UBR3: variants seen among roughly 807,000 people sequenced by gnomAD.
The protein encoded by UBR3 is E3 ubiquitin-protein ligase UBR3.
UBR3 carries 85 observed loss-of-function variants against 243.2 expected under a neutral mutation model. The ratio of observed to expected loss-of-function variants is 0.35; its 90% confidence interval spans 0.29 to 0.42. The LOEUF is 0.42. Ranked by LOEUF, UBR3 falls within the 10% of genes least tolerant of loss-of-function variation. UBR3 has a pLI of 1.00. For missense variants in UBR3, 1,686 were observed against 2,300.8 expected (o/e 0.73, Z 5.47); for synonymous variants, 748 against 799.8 (o/e 0.94, Z 1.09).
intron 24 of UBR3, among the ~76,000 whole-genome samples, chr2:169,977,054 CTT>C (rs2088482295): frequency 1.3e-5 from 2 of 151,842 alleles, no homozygotes; most frequent in South Asian, 4.2e-4. Flanking sequence ...TGGTTCAACT[CTT>C]TTGGATTTTT....
chr2:169,977,286 C>G (rs982832952), intron 24 of UBR3, among the ~76,000 whole-genome samples: 6 of 151,884 alleles, frequency 4.0e-5, no homozygotes, highest in African/African-American at 1.5e-4. Flanking sequence ...TTAGGTTTTT[C>G]CAGAGGGACA....
intron 30 of UBR3, among the ~76,000 whole-genome samples, chr2:170,018,571 A>G (rs928644169): frequency 6.6e-6 from 1 of 152,146 alleles, no homozygotes; most frequent in African/African-American, 2.4e-5. Context: ...TGCCATGTCC[A>G]CCAAAAACTT....
At chr2:169,997,774 G>T (rs1002413602) in intron 26 of UBR3, among the ~76,000 whole-genome samples, 10 of 152,062 alleles carry the variant, frequency 6.6e-5, no homozygotes, top group Non-Finnish European at 1.3e-4. Flanking sequence ...TGTGAGAGGG[G>T]GCCTGAAAAT....
chr2:169,951,958 C>T (rs2105362960), intron 23 of UBR3, among the ~76,000 whole-genome samples: 1 of 152,080 alleles, frequency 6.6e-6, no homozygotes, highest in Admixed American at 6.5e-5. Flanking sequence ...GTCCCAGGCT[C>T]ATTAGTAAAA....
At chr2:170,037,529 A>G (rs2090864552) in intron 31 of UBR3, among the ~76,000 whole-genome samples, 1 of 152,068 alleles carries the variant, frequency 6.6e-6, no homozygotes, top group Non-Finnish European at 1.5e-5. Context: ...CTGGGACCAC[A>G]GGTGCACGCC....
intron 21 of UBR3, 87 bp from the exon 22 acceptor site, chr2:169,947,455 G>A: frequency 9.7e-7 from 1 of 1,032,434 alleles, no homozygotes; most frequent in Non-Finnish European, 1.3e-6. Flanking sequence ...GATAGGCAGT[G>A]GATGATTTTG....
chr2:170,077,388 G>A lies in UBR3; in HGVS notation c.5200-2426G>A, dbSNP rs192600998. ...TAACATCCAAAGTTATATACATTGG[G>A]AATGAGGGACTCTTCTTTACACCAA... On this transcript the variant is annotated intron_variant, in intron 36 of 38. Coordinates refer to ENST00000272793, the MANE Select transcript of UBR3 (RefSeq NM_172070.4). The A allele has an allele frequency of 4.8e-3, 5,434 of 1,120,560 alleles. 18 individuals are homozygous for A. The highest frequency in any genetic ancestry group is 6.0e-3 in the Non-Finnish European group (4,499 of 754,532). The allele number at this position is 1,120,560 out of a possible 1,614,324, so 69.4% of individuals were successfully genotyped here.
chr2:170,064,803 A>ATTTTTTTTTT, intron 35 of UBR3, among the ~76,000 whole-genome samples: 35 of 87,834 alleles, frequency 4.0e-4, no homozygotes, highest in African/African-American at 6.5e-4. Context: ...TGCTTTTTCT[A>ATTTTTTTTTT]TTTTTTTTTT....
intron 13 of UBR3, among the ~76,000 whole-genome samples, chr2:169,924,759 G>C (rs1411506927): frequency 6.6e-6 from 1 of 152,148 alleles, no homozygotes; most frequent in African/African-American, 2.4e-5. Context: ...TTGAAGCCAG[G>C]TGTGGTGGCT....
At chr2:170,009,260 C>T (rs766167571) in intron 29 of UBR3, among the ~76,000 whole-genome samples, 42 of 151,940 alleles carry the variant, frequency 2.8e-4, no homozygotes, top group Non-Finnish European at 5.6e-4. Context: ...AGTGATAATA[C>T]TGAGAACTAA....
intron 19 of UBR3, among the ~76,000 whole-genome samples, chr2:169,936,723 C>CA (rs540003810): frequency 1.2e-3 from 187 of 152,112 alleles, no homozygotes; most frequent in African/African-American, 4.3e-3. Context: ...TTCCTGTGTC[C>CA]AAGTGTTTTC....
chr2:169,857,691 C>T (rs905275846), intron 1 of UBR3, among the ~76,000 whole-genome samples: 7 of 151,740 alleles, frequency 4.6e-5, no homozygotes, highest in Admixed American at 1.3e-4. Context: ...CCTCCCAAAG[C>T]GCTGGGATTA....
At chr2:169,885,223 A>G (rs1401935202) in intron 5 of UBR3, among the ~76,000 whole-genome samples, 4 of 152,222 alleles carry the variant, frequency 2.6e-5, no homozygotes, top group Non-Finnish European at 5.9e-5. Flanking sequence ...ATAAAGGAAG[A>G]TAGGATGAGA....
intron 16 of UBR3, 134 bp downstream of exon 16, chr2:169,927,105 A>G (rs527508674): frequency 1.9e-5 from 22 of 1,182,160 alleles, no homozygotes; most frequent in African/African-American, 1.2e-4. Flanking sequence ...AACTCTTGAT[A>G]TGTTGTACTG....
chr2:169,870,939 C>T (rs1323507009), intron 1 of UBR3, among the ~76,000 whole-genome samples: 1 of 151,266 alleles, frequency 6.6e-6, no homozygotes, highest in Non-Finnish European at 1.5e-5. Flanking sequence ...CAGGCATGAG[C>T]CACTGTGCCT....
chr2:169,855,160 G>A (rs187239345), intron 1 of UBR3, among the ~76,000 whole-genome samples: 1 of 152,024 alleles, frequency 6.6e-6, no homozygotes, highest in Non-Finnish European at 1.5e-5. Flanking sequence ...ATGTCTTCAC[G>A]GGTATGGAGA....
chr2:170,035,801 A>G (rs550011629), intron 31 of UBR3, among the ~76,000 whole-genome samples: 18 of 150,122 alleles, frequency 1.2e-4, no homozygotes, highest in African/African-American at 4.2e-4. Context: ...AACATGGACT[A>G]TCTCTCTCCA....
At chr2:169,829,353 A>C (rs1056223867) in intron 1 of UBR3, among the ~76,000 whole-genome samples, 1 of 152,112 alleles carries the variant, frequency 6.6e-6, no homozygotes, top group Non-Finnish European at 1.5e-5. Flanking sequence ...GAGTAAGAAA[A>C]AGTCTTCAGA....
intron 5 of UBR3, among the ~76,000 whole-genome samples, chr2:169,885,956 A>G (rs1470500960): frequency 2.6e-5 from 4 of 152,126 alleles, no homozygotes; most frequent in Non-Finnish European, 5.9e-5. Flanking sequence ...CAGGAGATCG[A>G]GATCAGCCTG....
Sources: gnomAD v4.1 joint callset for allele counts (sites outside exome capture counted in the v4.1 genomes callset) on GRCh38, gnomAD v4.1.1 for gene constraint, MANE v1.5 for transcripts, NCBI Gene and HGNC (gene_info 2026-07-23, HGNC 2026-07-21) for gene names.